RNF130: variants seen among roughly 807,000 people sequenced by gnomAD.
RNF130 encodes E3 ubiquitin-protein ligase RNF130.
RNF130 carries 21 observed loss-of-function variants against 44.6 expected under a neutral mutation model. The ratio of observed to expected loss-of-function variants is 0.47; its 90% confidence interval spans 0.33 to 0.68. The LOEUF (loss-of-function observed/expected upper bound fraction) is 0.68, where lower values mean the gene tolerates loss of function less well. Among genes scored for constraint, RNF130 ranks in the 30% least tolerant of loss-of-function variants. The pLI, the probability that RNF130 is intolerant of heterozygous loss-of-function variation, is 0.02. For missense variants in RNF130, 479 were observed against 560.6 expected (o/e 0.85, Z 1.47); for synonymous variants, 214 against 210.4 (o/e 1.02, Z -0.15).
intron 7 of RNF130, among the ~76,000 whole-genome samples, chr5:179,947,756 ATG>A (rs1463147462): frequency 6.6e-6 from 1 of 152,200 alleles, no homozygotes; most frequent in Admixed American, 6.5e-5. Context: ...ACAAAAGTAT[ATG>A]TGTGTATATG....
intron 3 of RNF130, among the ~76,000 whole-genome samples, chr5:179,985,332 C>T (rs892433836): frequency 2.0e-5 from 3 of 151,978 alleles, no homozygotes; most frequent in African/African-American, 4.8e-5. Flanking sequence ...TTCAACAGTG[C>T]CATCTTTCCA....
chr5:179,937,534 T>C (rs1761909023), intron 7 of RNF130, among the ~76,000 whole-genome samples: 1 of 152,074 alleles, frequency 6.6e-6, no homozygotes. Context: ...GCTATAATTT[T>C]AAAAAAGGAG....
chr5:179,940,976 G>A (rs1761963191), intron 7 of RNF130, among the ~76,000 whole-genome samples: 1 of 152,012 alleles, frequency 6.6e-6, no homozygotes, highest in Non-Finnish European at 1.5e-5. Context: ...CTGTGTTTAA[G>A]TTGATGTTAA....
At chr5:179,997,635 T>A (rs1763235845) in intron 3 of RNF130, among the ~76,000 whole-genome samples, 1 of 151,924 alleles carries the variant, frequency 6.6e-6, no homozygotes. Context: ...GCCTTATGTT[T>A]GTATTTTTAT....
At chr5:179,931,631 T>C (rs1761809266) in intron 7 of RNF130, among the ~76,000 whole-genome samples, 1 of 150,894 alleles carries the variant, frequency 6.6e-6, no homozygotes, top group Admixed American at 6.6e-5. Context: ...TAGCCGGGCG[T>C]GGTGGTGCCT....
At chr5:179,930,761 G>A (rs1185341577) in intron 7 of RNF130, among the ~76,000 whole-genome samples, 2 of 152,178 alleles carry the variant, frequency 1.3e-5, no homozygotes, top group East Asian at 1.9e-4. Context: ...AATGGAGGCT[G>A]GGCGTGGTGG....
At chr5:180,006,610 T>C (rs1307687623) in intron 3 of RNF130, among the ~76,000 whole-genome samples, 1 of 152,224 alleles carries the variant, frequency 6.6e-6, no homozygotes, top group Non-Finnish European at 1.5e-5. Flanking sequence ...ATTCTAAATA[T>C]TCAGGAGTCC....
Position 179,963,694 on chromosome 5 carries a change from G to A in RNF130, c.1151-130C>T, listed in dbSNP as rs576157302. On this transcript the variant is annotated intron_variant, in intron 7 of 8. Transcript: ENST00000521389. ...TAAGCCAAGATTGGCCCAAGGAAGT[G>A]AAGCAGGAGGTTTGCCAGAGAGCTA... 199 of 684,862 alleles carry A rather than the reference G, an allele frequency of 2.9e-4. 1 individual carries two copies. In the African/African-American group the frequency reaches 3.3e-3, roughly 11 times the overall value. 42.4% of individuals were successfully genotyped at this position (684,862 alleles called of 1,614,324 possible). A position where few individuals can be genotyped will look rare whatever the true frequency, so the allele number is the denominator to read the frequency against.
chr5:180,068,511 T>C (rs1256206568), intron 1 of RNF130, among the ~76,000 whole-genome samples: 2 of 152,242 alleles, frequency 1.3e-5, no homozygotes, highest in African/African-American at 4.8e-5. Context: ...AGATATCTCA[T>C]AAAGTATACT....
intron 8 of RNF130, among the ~76,000 whole-genome samples, chr5:179,958,629 C>T (rs1343413439): frequency 2.0e-5 from 3 of 152,162 alleles, no homozygotes; most frequent in South Asian, 2.1e-4. Context: ...GGTGCAGGCT[C>T]GCTAGCTTTC....
exon 8 of RNF130, chr5:179,920,195 G>A: frequency 1.7e-6 from 1 of 601,624 alleles, no homozygotes; most frequent in South Asian, 2.0e-5. Context: ...ACCCCAACCT[G>A]TGCTTGGAAA....
At chr5:179,971,128 G>A (rs1203651263) in intron 5 of RNF130, among the ~76,000 whole-genome samples, 1 of 152,130 alleles carries the variant, frequency 6.6e-6, no homozygotes, top group Non-Finnish European at 1.5e-5. Flanking sequence ...CAGGCAAGTA[G>A]AAAGTCACAG....
intron 1 of RNF130, among the ~76,000 whole-genome samples, chr5:180,060,624 C>T (rs1764954902): frequency 6.6e-6 from 1 of 152,142 alleles, no homozygotes; most frequent in African/African-American, 2.4e-5. Flanking sequence ...GGATTCTTAA[C>T]TTGGGGCTTC....
chr5:180,009,761 G>A (rs1237202131), intron 3 of RNF130, among the ~76,000 whole-genome samples: 2 of 152,080 alleles, frequency 1.3e-5, no homozygotes, highest in Non-Finnish European at 2.9e-5. Flanking sequence ...TTTATCCCAG[G>A]GAAACGAAAA....
chr5:179,946,588 C>G lies in RNF130; in HGVS notation c.1150+20218G>C, dbSNP rs560650983. 3.3e-5 allele frequency among the ~76,000 whole-genome samples: 5 copies of G among 150,302 alleles called. No individual in the cohort carries two copies. The East Asian group carries it at 9.8e-4, about 29-fold the overall frequency. ...TTTTTTTTTGAGACGGAGTCTCGCT[C>G]TGTCGCCCAGGCTGGAGTGCAGTGG... On this transcript the variant is annotated intron_variant, in intron 7 of 7. Transcript: ENST00000522208.
chr5:179,998,859 T>TTATATATATATATATATA (rs61232613), intron 3 of RNF130, among the ~76,000 whole-genome samples: 20 of 88,722 alleles, frequency 2.3e-4, no homozygotes, highest in African/African-American at 8.5e-4. Context: ...CTAGTATTTT[T>TTATATATATATATATATA]TATATATATA....
At position 179,963,505 on chromosome 5, in the gene RNF130, T is replaced by C. The variant is rs1276607200; in HGVS notation, c.1210A>G (p.Ile404Val). 6.2e-7 allele frequency: 1 copy of C among 1,614,008 alleles called. No individual in the cohort carries two copies. The highest frequency in any genetic ancestry group is 8.5e-7 in the Non-Finnish European group (1 of 1,179,910). ...TTCAAGCTAGCTGTGGCTCTGATGA[T>C]CATGTAGCAGAGTGTGAGGGCACTG... is the stretch of plus-strand genomic sequence containing the variant. ...LLSALTLCYM[I>V]IRATASLNAN... The change falls in exon 8 of 9, where the codon ATC becomes GTC. Residue 404 changes from isoleucine (I) to valine (V), a missense_variant. Ile to Val is a conservative substitution (Grantham distance 29). Coordinates refer to ENST00000521389, the MANE Select transcript of RNF130 (RefSeq NM_018434.6).
intron 7 of RNF130, among the ~76,000 whole-genome samples, chr5:179,943,656 A>C (rs760758386): frequency 6.6e-6 from 1 of 152,242 alleles, no homozygotes; most frequent in Admixed American, 6.5e-5. Flanking sequence ...GAGATAAAAT[A>C]ACTTACTCAA....
intron 1 of RNF130, among the ~76,000 whole-genome samples, chr5:180,053,201 T>C (rs756587948): frequency 2.6e-5 from 4 of 152,032 alleles, no homozygotes; most frequent in Non-Finnish European, 5.9e-5. Flanking sequence ...GGACAGGGAT[T>C]GCAACCACCT....
Sources: gnomAD v4.1 joint callset for allele counts (sites outside exome capture counted in the v4.1 genomes callset) on GRCh38, gnomAD v4.1.1 for gene constraint, MANE v1.5 for transcripts, NCBI Gene and HGNC (gene_info 2026-07-23, HGNC 2026-07-21) for gene names.